DAB1: variants seen among roughly 807,000 people sequenced by gnomAD.
DAB1 encodes the protein disabled homolog 1.
A neutral mutation model predicts 64.6 loss-of-function variants in DAB1; 15 were observed. The observed-to-expected ratio is 0.23, with a 90% CI of 0.16 to 0.36. DAB1 has a LOEUF of 0.36. DAB1 is among the 10% of genes least tolerant of loss of function. The pLI is 1.00. For missense variants in DAB1, 596 were observed against 706.7 expected (o/e 0.84, Z 1.78); for synonymous variants, 235 against 251.9 (o/e 0.93, Z 0.64).
At position 57,764,372 on chromosome 1, in the gene DAB1, G is replaced by C. The variant is rs113696634; in HGVS notation, n.552-114707C>G. Among the ~76,000 whole-genome samples the C allele has an allele frequency of 7.3e-3, 1,107 of 152,240 alleles. 16 individuals are homozygous for C. Among genetic ancestry groups the C allele is most frequent in the African/African-American group, 0.025 (1,049 of 41,552 alleles). ...CATGTGTGGATACATATAACATGTAGTGATCAAATCATTGTAATTAGCATA... is the reference window on the plus strand; with the variant it reads ...CATGTGTGGATACATATAACATGTACTGATCAAATCATTGTAATTAGCATA... On this transcript the variant is annotated intron_variant and non_coding_transcript_variant, in intron 6 of 20. Transcript: ENST00000485760.
At chr1:58,510,960 T>C (rs911271146) in intron 2 of DAB1, among the ~76,000 whole-genome samples, 1 of 151,890 alleles carries the variant, frequency 6.6e-6, no homozygotes, top group Admixed American at 6.6e-5. Flanking sequence ...AAAAAACTGA[T>C]GAAAGAAATT....
At chr1:57,587,335 A>C (rs1212421015) in intron 7 of DAB1, among the ~76,000 whole-genome samples, 1 of 152,158 alleles carries the variant, frequency 6.6e-6, no homozygotes, top group Admixed American at 6.5e-5. Context: ...TTTGAAAGGC[A>C]AATAACACCT....
chr1:57,388,507 C>T (rs1682074321), intron 1 of DAB1, among the ~76,000 whole-genome samples: 1 of 152,144 alleles, frequency 6.6e-6, no homozygotes, highest in African/African-American at 2.4e-5. Flanking sequence ...CCTTTCTGTC[C>T]AGCCGCATGT....
chr1:57,306,520 T>TA (rs1298192271), intron 1 of DAB1, among the ~76,000 whole-genome samples: 2 of 144,228 alleles, frequency 1.4e-5, no homozygotes, highest in Non-Finnish European at 3.0e-5. Context: ...AGGCTTTTTT[T>TA]TTTTTTTTTT....
At chr1:57,605,094 T>C (rs527851344) in intron 7 of DAB1, among the ~76,000 whole-genome samples, 3 of 152,304 alleles carry the variant, frequency 2.0e-5, no homozygotes, top group Admixed American at 6.5e-5. Flanking sequence ...GGGGAGATGA[T>C]GTTTGGAAGA....
intron 5 of DAB1, among the ~76,000 whole-genome samples, chr1:57,938,482 C>T (rs1328408727): frequency 6.6e-6 from 1 of 152,098 alleles, no homozygotes; most frequent in Non-Finnish European, 1.5e-5. Flanking sequence ...AGTGAGTTCT[C>T]ACGAAATCTG....
intron 7 of DAB1, among the ~76,000 whole-genome samples, chr1:57,643,974 A>G (rs1219178195): frequency 2.6e-5 from 4 of 152,252 alleles, no homozygotes; most frequent in Non-Finnish European, 5.9e-5. Flanking sequence ...AGATGCAGTC[A>G]GCACTCTGTG....
chr1:57,487,783 AT>A (rs1337885215), intron 7 of DAB1, among the ~76,000 whole-genome samples: 1 of 152,202 alleles, frequency 6.6e-6, no homozygotes, highest in African/African-American at 2.4e-5. Flanking sequence ...CAAAAGATGC[AT>A]TTCTCAGAAC....
rs765796590 is a variant in DAB1, at chr1:57,552,368, A to G, written n.625+97224T>C. ...CAGGGCAGGATTTCTGCTTTCAATT[A>G]ACTCACTGTCCAGGACAGCCGGCAA... On this transcript the variant is annotated intron_variant and non_coding_transcript_variant, in intron 7 of 20. Coordinates refer to the DAB1 transcript ENST00000485760. 4.6e-5 allele frequency among the ~76,000 whole-genome samples: 7 copies of G among 152,176 alleles called. No homozygotes were observed. The East Asian group carries it at 1.2e-3, about 25-fold the overall frequency.
intron 1 of DAB1, among the ~76,000 whole-genome samples, chr1:57,858,683 G>C (rs1324680140): frequency 1.3e-5 from 2 of 151,636 alleles, no homozygotes; most frequent in South Asian, 2.1e-4. Context: ...GCTGACAACT[G>C]ACTGTCTGAA....
chr1:57,388,721 GC>G (rs1682094043), intron 1 of DAB1, among the ~76,000 whole-genome samples: 1 of 152,098 alleles, frequency 6.6e-6, no homozygotes, highest in South Asian at 2.1e-4. Context: ...AGTGAGCTCA[GC>G]TTTCTATTCT....
rs535266303 is a variant in DAB1, at chr1:57,257,415, T to C, written c.67+33549A>G. ...ATGCCTAGCATTTTCTTTGTAAGTA[T>C]CTATGGTGGATAAAGTGCATGCATT... On this transcript the variant is annotated intron_variant, in intron 2 of 14. Coordinates refer to ENST00000371236, the MANE Select transcript of DAB1 (RefSeq NM_001365792.1). Among the ~76,000 whole-genome samples, 89 of 152,330 alleles carry C rather than the reference T, an allele frequency of 5.8e-4. 1 individual carries two copies. In the South Asian group the frequency reaches 0.017, roughly 29 times the overall value.
chr1:57,325,220 C>G (rs1043895375), intron 1 of DAB1, among the ~76,000 whole-genome samples: 39 of 152,326 alleles, frequency 2.6e-4, no homozygotes, highest in African/African-American at 8.9e-4. Context: ...GCTCCCATTC[C>G]CTTGGCACAT....
chr1:57,725,526 A>G (rs1301995974), intron 6 of DAB1, among the ~76,000 whole-genome samples: 2 of 152,162 alleles, frequency 1.3e-5, no homozygotes, highest in Admixed American at 1.3e-4. Context: ...TTTCATTAAC[A>G]TAGCTTTGCT....
At chr1:57,983,333 C>T (rs1646112694) in intron 5 of DAB1, among the ~76,000 whole-genome samples, 1 of 152,188 alleles carries the variant, frequency 6.6e-6, no homozygotes, top group African/African-American at 2.4e-5. Context: ...GAAAGGGTCT[C>T]TTCCCAAACA....
rs759390086 is a variant in DAB1, at chr1:57,819,223, C to T, written n.551+64776G>A. ...TGTGTAGAAAGATTTTATTTCAAGG[C>T]GCAGTTGAAAGCATCTCCTTTGCTT... On this transcript the variant is annotated intron_variant and non_coding_transcript_variant, in intron 6 of 20. Coordinates refer to the DAB1 transcript ENST00000485760. 1.6e-4 allele frequency among the ~76,000 whole-genome samples: 25 copies of T among 152,286 alleles called. 2 individuals are homozygous for T. Among genetic ancestry groups the T allele is most frequent in the African/African-American group, 5.5e-4 (23 of 41,568 alleles).
At chr1:57,470,866 C>A (rs1687111297) in intron 7 of DAB1, among the ~76,000 whole-genome samples, 1 of 152,144 alleles carries the variant, frequency 6.6e-6, no homozygotes, top group African/African-American at 2.4e-5. Flanking sequence ...TTTCTCCCAA[C>A]AAGGCAAATT....
At chr1:57,603,417 C>G (rs1484707744) in intron 7 of DAB1, among the ~76,000 whole-genome samples, 2 of 152,224 alleles carry the variant, frequency 1.3e-5, no homozygotes, top group African/African-American at 4.8e-5. Context: ...AACACTTAAA[C>G]TCAGTGCCTT....
At chr1:57,187,867 G>C (rs1663737151) in intron 2 of DAB1, among the ~76,000 whole-genome samples, 2 of 152,050 alleles carry the variant, frequency 1.3e-5, no homozygotes, top group South Asian at 4.2e-4. Context: ...CACAAAAAGA[G>C]AGATCCCCCA....
Sources: gnomAD v4.1 joint callset for allele counts (sites outside exome capture counted in the v4.1 genomes callset) on GRCh38, gnomAD v4.1.1 for gene constraint, MANE v1.5 for transcripts, NCBI Gene and HGNC (gene_info 2026-07-23, HGNC 2026-07-21) for gene names.